COL20A1: variants seen among roughly 807,000 people sequenced by gnomAD.
COL20A1 encodes collagen type XX alpha 1 chain.
Under a neutral mutation model 152.9 loss-of-function variants are expected in COL20A1, and 164 were observed. That is an observed-to-expected ratio of 1.07 (90% CI 0.94 to 1.22). COL20A1 has a LOEUF of 1.22. Among genes scored for constraint, COL20A1 ranks in the 50% most tolerant of loss-of-function variants. The probability of loss-of-function intolerance (pLI) is 0.00; values close to 1 mark genes in which losing one functional copy is unlikely to be tolerated. For missense variants in COL20A1, 1,873 were observed against 1,744.8 expected (o/e 1.07, Z -1.31); for synonymous variants, 864 against 756.0 (o/e 1.14, Z -2.34).
At chr20:63,327,832 C>A in intron 31 of COL20A1, 120 bp from the exon 32 acceptor site, 1 of 1,032,672 alleles carries the variant, frequency 9.7e-7, no homozygotes, top group Non-Finnish European at 1.4e-6. Context: ...GGGGCTTTCA[C>A]ACCGCCACTG....
rs2067962641 is a variant in COL20A1, at chr20:63,308,646, G to A, written c.880G>A (p.Asp294Asn). 2 of 1,607,860 alleles carry A rather than the reference G, an allele frequency of 1.2e-6. No individual in the cohort carries two copies. The highest frequency in any genetic ancestry group is 2.7e-5 in the African/African-American group (2 of 74,964). The change falls in exon 8 of 36, where the codon GAC becomes AAC. Residue 294 changes from aspartate to asparagine, a missense_variant. Asp to Asn is a conservative substitution (Grantham distance 23). Coordinates refer to ENST00000358894, the MANE Select transcript of COL20A1 (RefSeq NM_020882.4). ...TCTGGTGACGGACGGCAAGTCCCAG[G>A]ACGATGTGCACACTGCTGCCCGTGT... ...VILVTDGKSQ[D>N]DVHTAARVLK...
In COL20A1 at chr20:63,297,952, T is replaced by G; in HGVS notation, c.125T>G (p.Leu42Arg). ...CTGGCTGTGCTGCCTGAGGACCGGC[T>G]GCAGATGAAGTGGAGAGAGTCGGAG... ...LRLAVLPEDR[L>R]QMKWRESEGS... Residue 42 changes from leucine (L) to arginine (R), a missense_variant, in exon 3 of 36, where the codon CTG becomes CGG. Coordinates refer to ENST00000358894, the MANE Select transcript of COL20A1 (RefSeq NM_020882.4). 1 of 1,613,342 alleles carries G rather than the reference T, an allele frequency of 6.2e-7. No homozygotes were observed. Among genetic ancestry groups the G allele is most frequent in the Admixed American group, 1.7e-5 (1 of 60,024 alleles).
intron 30 of COL20A1, 132 bp from the exon 31 acceptor site, chr20:63,326,620 A>T (rs2068253435): frequency 1.8e-6 from 1 of 571,412 alleles, no homozygotes; most frequent in South Asian, 2.6e-5. Context: ...GGCCTGAAGG[A>T]GGCTGGGGCC....
Position 63,314,150 on chromosome 20 carries a change from GC to G in COL20A1, c.2438del (p.Ala813ValfsTer33). On this transcript the variant is annotated frameshift_variant, in exon 19 of 36. Coordinates refer to ENST00000358894, the MANE Select transcript of COL20A1 (RefSeq NM_020882.4). LOFTEE classifies it high-confidence loss of function. ...AATKYRVLVS[A>X]IYAAGRSEAV... Reference sequence around the variant, plus strand: ...CACGAAGTACAGGGTCCTGGTCTCAGCTATCTATGCAGCAGGCAGGAGTGAG... The same window carrying G: ...CACGAAGTACAGGGTCCTGGTCTCAGTATCTATGCAGCAGGCAGGAGTGAG... 1 of 1,598,328 alleles carries G rather than the reference GC, an allele frequency of 6.3e-7. No homozygotes were observed.
intron 27 of COL20A1, among the ~76,000 whole-genome samples, chr20:63,322,798 T>TC (rs1377754246): frequency 6.6e-6 from 1 of 152,138 alleles, no homozygotes; most frequent in Admixed American, 6.5e-5. Context: ...CACCCACCTC[T>TC]CCCCCGGCAG....
rs1351326295 is a variant in COL20A1, at chr20:63,332,377, C to T, written c.*1661C>T. ...TCAGATTGTGTGACCAGCAAAACAG[C>T]TTGGTTGCTCTCACTTGGTTTCTCC... On this transcript the variant is annotated 3_prime_UTR_variant, in exon 36 of 36. Transcript: ENST00000358894. 1 of 152,254 alleles carries T rather than the reference C, an allele frequency of 6.6e-6. No homozygotes were observed. The highest frequency in any genetic ancestry group is 1.5e-5 in the Non-Finnish European group (1 of 68,090). 9.4% of individuals were successfully genotyped at this position (152,254 alleles called of 1,614,324 possible).
Position 63,328,642 on chromosome 20 carries a change from G to C in COL20A1, c.3781+144G>C, listed in dbSNP as rs1057217462. On this transcript the variant is annotated intron_variant, in intron 34 of 35. Coordinates refer to ENST00000358894, the MANE Select transcript of COL20A1 (RefSeq NM_020882.4). ...ACTGTCCAGCCTCTGGGGTGCTGGG[G>C]TGAGGACACGGGGCTTCCCTGAGCC... is the stretch of plus-strand genomic sequence containing the variant. The C allele has an allele frequency of 4.0e-5, 33 of 830,122 alleles. No individual in the cohort carries two copies. The Admixed American group carries it at 4.3e-4, about 11-fold the overall frequency. 51.4% of individuals were successfully genotyped at this position (830,122 alleles called of 1,614,324 possible).
rs1447437939 is a variant in COL20A1 at position 63,325,433 on chromosome 20, C to G, written c.3295-8C>G. ...CGCTTCGCTGTCCAGCCCATCTTCCCCCTCCAGGGTCCACCAGGGGTCAAA... is the reference window on the plus strand; with the variant it reads ...CGCTTCGCTGTCCAGCCCATCTTCCGCCTCCAGGGTCCACCAGGGGTCAAA... On this transcript the variant is annotated splice_region_variant and splice_polypyrimidine_tract_variant and intron_variant, in intron 27 of 35. Transcript: ENST00000358894. 1.2e-6 allele frequency: 2 copies of G among 1,611,048 alleles called. No homozygotes were observed. Among genetic ancestry groups the G allele is most frequent in the Non-Finnish European group, 1.7e-6 (2 of 1,177,874 alleles).
In COL20A1 at chr20:63,332,538, A is replaced by C. The variant is rs1360436268; in HGVS notation, c.*1822A>C. The C allele has an allele frequency of 6.6e-6, 1 of 152,172 alleles. No individual in the cohort carries two copies. The highest frequency in any genetic ancestry group is 2.4e-5 in the African/African-American group (1 of 41,424). 9.4% of individuals were successfully genotyped at this position (152,172 alleles called of 1,614,324 possible). On this transcript the variant is annotated 3_prime_UTR_variant, in exon 36 of 36. Transcript: ENST00000358894. ...CAGGGCATCCAGAGCCTTCCAAAGG[A>C]GCCCCTCTCCTGGGGCTCTCCAATT...
chr20:63,307,340 C>G (rs1412095205), intron 5 of COL20A1, 150 bp from the exon 6 acceptor site: 1 of 692,040 alleles, frequency 1.4e-6, no homozygotes, highest in Non-Finnish European at 2.4e-6. Flanking sequence ...CTGTCTAGTC[C>G]GGTGAGGCCT....
At chr20:63,297,105 G>A (rs61119148) in intron 2 of COL20A1, among the ~76,000 whole-genome samples, 2 of 152,202 alleles carry the variant, frequency 1.3e-5, no homozygotes, top group East Asian at 1.9e-4. Context: ...GTGCACACAC[G>A]TGCCAATGTG....
intron 31 of COL20A1, chr20:63,327,136 G>A (rs1279037834): frequency 6.3e-6 from 2 of 315,286 alleles, no homozygotes; most frequent in Non-Finnish European, 5.8e-6. Context: ...TACCACTCAG[G>A]GACTTTCTGT....
At position 63,328,367 on chromosome 20, in the gene COL20A1, C is replaced by T. The variant is rs112825381; in HGVS notation, c.3650C>T (p.Thr1217Ile). 2.4e-4 allele frequency: 386 copies of T among 1,612,690 alleles called. 3 individuals carry two copies. In the African/African-American group the frequency reaches 4.5e-3, roughly 19 times the overall value. The stretch of plus-strand genomic sequence containing the variant: ...AAGTTCGACTCCTTCCACGAGAACA[C>T]CAGGCCCCCCATGCCCATCTTGGAG... ...VSKFDSFHEN[T>I]RPPMPILEQK... Residue 1217 changes from threonine (T) to isoleucine (I), a missense_variant, in exon 34 of 36, where the codon ACC (threonine) becomes ATC (isoleucine). Thr to Ile is a moderately conservative substitution (Grantham distance 89). Transcript: ENST00000358894.
intron 2 of COL20A1, among the ~76,000 whole-genome samples, chr20:63,297,435 G>T (rs1170545225): frequency 6.6e-6 from 1 of 151,992 alleles, no homozygotes; most frequent in Non-Finnish European, 1.5e-5. Context: ...ACTTAGCTCA[G>T]GGGACCCAGC....
At chr20:63,310,029 AAGGGGGTGTCG>A in intron 10 of COL20A1, 114 bp downstream of exon 10, 1 of 1,042,716 alleles carries the variant, frequency 9.6e-7, no homozygotes, top group African/African-American at 1.6e-5. Flanking sequence ...CCAGGCTGAG[AAGGGGGTGTCG>A]AGGGGCTGAC....
At position 63,308,092 on chromosome 20, in the gene COL20A1, TA is replaced by T. The variant is rs1342753455; in HGVS notation, c.775+3del. 1 of 1,601,750 alleles carries T rather than the reference TA, an allele frequency of 6.2e-7. No homozygotes were observed. The highest frequency in any genetic ancestry group is 1.7e-5 in the Admixed American group (1 of 59,530). Reference sequence around the variant, plus strand: ...ACAAGGGGGGGAACACGTTCACAGGTACGGCCCAGGCCTGCCCCTCCCTCTG... The same window carrying T: ...ACAAGGGGGGGAACACGTTCACAGGTCGGCCCAGGCCTGCCCCTCCCTCTG... On this transcript the variant is annotated splice_donor_region_variant and intron_variant, in intron 7 of 35. Coordinates refer to ENST00000358894, the MANE Select transcript of COL20A1 (RefSeq NM_020882.4).
At position 63,308,851 on chromosome 20, in the gene COL20A1, G is replaced by A. The variant is rs113901451; in HGVS notation, c.940+145G>A. The A allele has an allele frequency of 6.6e-4, 513 of 778,960 alleles. 5 individuals are homozygous for A. The highest frequency in any genetic ancestry group is 6.5e-3 in the African/African-American group (367 of 56,768). 48.3% of individuals were successfully genotyped at this position (778,960 alleles called of 1,614,324 possible). A position where few individuals can be genotyped will look rare whatever the true frequency, so the allele number is the denominator to read the frequency against. On this transcript the variant is annotated intron_variant, in intron 8 of 35. Coordinates refer to ENST00000358894, the MANE Select transcript of COL20A1 (RefSeq NM_020882.4). ...GGAGCTGCACGCAGAGCCAGGCACCGCCTGGCACTCAGAGGCGATGGCACA... is the reference window on the plus strand; with the variant it reads ...GGAGCTGCACGCAGAGCCAGGCACCACCTGGCACTCAGAGGCGATGGCACA...
chr20:63,328,491 G>C lies in COL20A1; in HGVS notation c.3774G>C (p.Glu1258Asp). The C allele has an allele frequency of 6.2e-7, 1 of 1,610,820 alleles. No individual in the cohort carries two copies. ...GGGGGCGTGGTGGCCGCCACCTTGA[G>C]GGCAGAGGTACTGGGCTCCTGGCTC... The part of the protein sequence containing the change: ...GEWGRGGRHL[E>D]GRGEPGAVGQ... The change falls in exon 34 of 36, where the codon GAG (glutamate) becomes GAC (aspartate). Residue 1258 changes from glutamate (E) to aspartate (D), a missense_variant. Coordinates refer to ENST00000358894, the MANE Select transcript of COL20A1 (RefSeq NM_020882.4).
At position 63,305,518 on chromosome 20, in the gene COL20A1, A is replaced by T; in HGVS notation, c.295A>T (p.Thr99Ser). ...CTACACCTTGCAGATCTTCGAGCTC[A>T]CTGGCTCTGGGCGCTTCCTGCTAGC... is the stretch of plus-strand genomic sequence containing the variant. ...KGYTLQIFELTGSGRFLLARR... is the reference protein window; with the variant it reads ...KGYTLQIFELSGSGRFLLARR... Residue 99 changes from threonine to serine, a missense_variant, in exon 4 of 36, where the codon ACT becomes TCT. Coordinates refer to ENST00000358894, the MANE Select transcript of COL20A1 (RefSeq NM_020882.4). The surrounding 1 kb of genome is among the most constrained non-coding windows in gnomAD (Gnocchi z 4.9). 1 of 1,607,120 alleles carries T rather than the reference A, an allele frequency of 6.2e-7. No individual in the cohort carries two copies. Among genetic ancestry groups the T allele is most frequent in the South Asian group, 1.1e-5 (1 of 89,872 alleles).
Sources: allele counts gnomAD v4.1 joint callset (sites outside exome capture counted in the v4.1 genomes callset), GRCh38; gene constraint gnomAD v4.1.1; non-coding constraint Gnocchi (gnomAD v3.1); transcripts MANE v1.5; gene names NCBI Gene and HGNC (gene_info 2026-07-23, HGNC 2026-07-21).